The following MDGA2 variants were observed in gnomAD, a reference collection of about 807,000 sequenced individuals.
MDGA2 encodes MAM domain-containing glycosylphosphatidylinositol anchor protein 2.
MDGA2 carries 40 observed loss-of-function variants against 117.8 expected under a neutral mutation model. The observed-to-expected ratio is 0.34, with a 90% CI of 0.26 to 0.44. The LOEUF (loss-of-function observed/expected upper bound fraction) is 0.44. Ranked by LOEUF, MDGA2 falls within the 20% of genes least tolerant of loss-of-function variation. The pLI is 1.00. For missense variants in MDGA2, 1,123 were observed against 1,250.6 expected, an observed-to-expected ratio of 0.90 and a Z score of 1.54; for synonymous variants, 452 against 439.0, an observed-to-expected ratio of 1.03 and a Z score of -0.37.
intron 1 of MDGA2, among the ~76,000 whole-genome samples, chr14:47,514,222 T>C (rs1415486848): frequency 6.6e-6 from 1 of 151,492 alleles, no homozygotes; most frequent in Non-Finnish European, 1.5e-5. Flanking sequence ...ACTTGGCATA[T>C]TTTTTTTTCT....
chr14:47,563,149 T>A (rs1168808919), intron 1 of MDGA2, among the ~76,000 whole-genome samples: 1 of 152,150 alleles, frequency 6.6e-6, no homozygotes, highest in Non-Finnish European at 1.5e-5. Context: ...GATTGCTTGA[T>A]GTCTGATTAT....
chr14:47,191,140 C>CTG (rs140394106), intron 3 of MDGA2, among the ~76,000 whole-genome samples: 8 of 151,326 alleles, frequency 5.3e-5, no homozygotes, highest in South Asian at 2.1e-4. Flanking sequence ...ATATACATAT[C>CTG]TGTGTGTGTG....
intron 3 of MDGA2, among the ~76,000 whole-genome samples, chr14:47,181,732 T>C (rs1014451911): frequency 2.0e-5 from 3 of 152,206 alleles, no homozygotes; most frequent in Admixed American, 6.5e-5. Context: ...TTTGATCTTT[T>C]TTCTCTCCTG....
chr14:47,101,742 T>A, intron 5 of MDGA2, among the ~76,000 whole-genome samples: 1 of 152,180 alleles, frequency 6.6e-6, no homozygotes, highest in East Asian at 1.9e-4. Flanking sequence ...CAACAGCATC[T>A]CCTAGAATTT....
intron 1 of MDGA2, among the ~76,000 whole-genome samples, chr14:47,639,646 A>G (rs1234087732): frequency 1.3e-5 from 2 of 152,154 alleles, no homozygotes; most frequent in Non-Finnish European, 2.9e-5. Context: ...TCTTTTATTT[A>G]AGACTTTTAT....
chr14:47,173,171 G>T (rs1462568268), intron 3 of MDGA2, among the ~76,000 whole-genome samples: 1 of 152,230 alleles, frequency 6.6e-6, no homozygotes, highest in Non-Finnish European at 1.5e-5. Flanking sequence ...ATCTACGTCT[G>T]ATTGGTGTAC....
chr14:47,525,210 C>T (rs768205581), intron 1 of MDGA2, among the ~76,000 whole-genome samples: 66 of 152,298 alleles, frequency 4.3e-4, no homozygotes, highest in African/African-American at 1.5e-3. Context: ...TTTAAGACTA[C>T]GGTAATTGTC....
chr14:47,643,403 A>T (rs1024222320), intron 1 of MDGA2, among the ~76,000 whole-genome samples: 5 of 152,046 alleles, frequency 3.3e-5, no homozygotes, highest in Admixed American at 3.3e-4. Flanking sequence ...TGCATATGTA[A>T]ATTAATGATT....
At chr14:47,624,894 A>C (rs979513127) in intron 1 of MDGA2, among the ~76,000 whole-genome samples, 1 of 152,206 alleles carries the variant, frequency 6.6e-6, no homozygotes, top group East Asian at 1.9e-4. Flanking sequence ...TGAATATATG[A>C]TTTTAATCTT....
In MDGA2 at chr14:46,841,837, T is replaced by G. The variant is rs141318866; in HGVS notation, c.*94A>C. On this transcript the variant is annotated 3_prime_UTR_variant, in exon 17 of 17. Coordinates refer to ENST00000399232, the MANE Select transcript of MDGA2 (RefSeq NM_001113498.3). ...TTTGAGTCAGTAGTCAGTGGAGGAA[T>G]CTTTGGTAGTTTGTTTGTTCAATGT... 3.3e-5 allele frequency: 28 copies of G among 850,162 alleles called. No individual in the cohort carries two copies. The East Asian group carries it at 7.2e-4, about 22-fold the overall frequency. 52.7% of individuals were successfully genotyped at this position (850,162 alleles called of 1,614,324 possible).
chr14:47,104,757 A>C (rs1384707665), intron 5 of MDGA2, among the ~76,000 whole-genome samples: 1 of 152,106 alleles, frequency 6.6e-6, no homozygotes, highest in African/African-American at 2.4e-5. Flanking sequence ...CTCCGTGAGA[A>C]AGATCCACCT....
At chr14:47,180,146 T>C (rs1215753704) in intron 3 of MDGA2, among the ~76,000 whole-genome samples, 2 of 152,164 alleles carry the variant, frequency 1.3e-5, no homozygotes, top group Non-Finnish European at 2.9e-5. Flanking sequence ...TTGAGCCTAG[T>C]ACCCATTAGT....
At position 47,674,418 on chromosome 14, in the gene MDGA2, C is replaced by T. The variant is rs1898136213; in HGVS notation, c.280+99G>A. On this transcript the variant is annotated intron_variant, in intron 1 of 16. Transcript: ENST00000399232. ...ATGAAGTGTAAATCAAATGCCACGC[C>T]GGGAGGGGCCCCGGAACGGCGCGAG... 5 of 1,034,566 alleles carry T rather than the reference C, an allele frequency of 4.8e-6. No individual in the cohort carries two copies. In the South Asian group the frequency reaches 5.9e-5, roughly 12 times the overall value. The allele number at this position is 1,034,566 out of a possible 1,614,324, so 64.1% of individuals were successfully genotyped here. A position where few individuals can be genotyped will look rare whatever the true frequency, so the allele number is the denominator to read the frequency against.
rs375993421 is a variant in MDGA2 at position 47,632,045 on chromosome 14, A to G, written c.280+42472T>C. Among the ~76,000 whole-genome samples, 30 of 152,036 alleles carry G rather than the reference A, an allele frequency of 2.0e-4. No homozygotes were observed. In the East Asian group the frequency reaches 2.1e-3, roughly 11 times the overall value. On this transcript the variant is annotated intron_variant, in intron 1 of 16. Transcript: ENST00000399232. ...AGGTGTGCCAAAAGATTGGACACCTATGCATGGACATGAAACCATATGAAT... is the reference window on the plus strand; with the variant it reads ...AGGTGTGCCAAAAGATTGGACACCTGTGCATGGACATGAAACCATATGAAT...
intron 1 of MDGA2, among the ~76,000 whole-genome samples, chr14:47,492,663 TCTGTG>T (rs771384283): frequency 1.3e-5 from 2 of 152,156 alleles, no homozygotes; most frequent in East Asian, 3.9e-4. Flanking sequence ...GATCACATTA[TCTGTG>T]CTTATTTTTA....
chr14:46,999,695 C>G (rs1887434710), intron 8 of MDGA2, among the ~76,000 whole-genome samples: 1 of 152,084 alleles, frequency 6.6e-6, no homozygotes, highest in East Asian at 1.9e-4. Context: ...CTTCCCTCGT[C>G]TGACAGCTTG....
At chr14:47,039,127 T>G (rs892018031) in intron 7 of MDGA2, among the ~76,000 whole-genome samples, 3 of 152,156 alleles carry the variant, frequency 2.0e-5, no homozygotes, top group African/African-American at 4.8e-5. Flanking sequence ...TTCTTATAAT[T>G]TTTTCTGTTG....
At chr14:47,496,725 G>A (rs921596973) in intron 1 of MDGA2, among the ~76,000 whole-genome samples, 7 of 150,320 alleles carry the variant, frequency 4.7e-5, no homozygotes, top group African/African-American at 1.2e-4. Context: ...ATACATATAT[G>A]TTACTATAAT....
intron 2 of MDGA2, among the ~76,000 whole-genome samples, chr14:47,259,936 A>G (rs552317727): frequency 6.6e-6 from 1 of 152,224 alleles, no homozygotes; most frequent in East Asian, 1.9e-4. Flanking sequence ...TCTAACATCT[A>G]GGATATTTCA....
Sources: allele counts gnomAD v4.1 joint callset (sites outside exome capture counted in the v4.1 genomes callset), GRCh38; gene constraint gnomAD v4.1.1; transcripts MANE v1.5; gene names NCBI Gene and HGNC (gene_info 2026-07-23, HGNC 2026-07-21).